Variants in CYP2C8 observed in about 807,000 individuals in gnomAD.
The protein encoded by CYP2C8 is cytochrome P450 family 2 subfamily C member 8.
In CYP2C8, 51 loss-of-function variants were observed where a neutral mutation model predicts 41.3. The ratio of observed to expected loss-of-function variants is 1.24; its 90% CI spans 0.99 to 1.56. The LOEUF is 1.56. CYP2C8 is among the 40% of genes most tolerant of loss of function. The pLI, the probability that CYP2C8 is intolerant of heterozygous loss-of-function variation, is 0.00. For missense variants in CYP2C8, 651 were observed against 579.9 expected, an observed-to-expected ratio of 1.12 and a Z score of -1.26; for synonymous variants, 218 against 205.8, an observed-to-expected ratio of 1.06 and a Z score of -0.51.
chr10:95,066,153 A>AGAGAGAGAGAGTGT (rs1342809282), intron 3 of CYP2C8, among the ~76,000 whole-genome samples: 221 of 88,240 alleles, frequency 2.5e-3, no homozygotes, highest in Middle Eastern at 7.6e-3. Context: ...AGAGAGAGAG[A>AGAGAGAGAGAGTGT]GTGTGTGTGT....
chr10:95,069,079 G>T (rs2033627231), intron 1 of CYP2C8, 156 bp downstream of exon 1: 1 of 884,470 alleles, frequency 1.1e-6, no homozygotes, highest in Non-Finnish European at 1.7e-6. Flanking sequence ...AAAAAAAATA[G>T]GAAGACAAAA....
chr10:95,060,058 A>C (rs2033393740), intron 4 of CYP2C8, among the ~76,000 whole-genome samples: 1 of 152,220 alleles, frequency 6.6e-6, no homozygotes, highest in African/African-American at 2.4e-5. Flanking sequence ...CTTGTAGAAT[A>C]GTTTGAAGTC....
At chr10:95,053,869 A>G (rs1364663944) in intron 5 of CYP2C8, among the ~76,000 whole-genome samples, 1 of 152,276 alleles carries the variant, frequency 6.6e-6, no homozygotes, top group Admixed American at 6.5e-5. Context: ...CCACCATGGC[A>G]CATGTATACC....
chr10:95,056,725 T>C lies in CYP2C8; in HGVS notation c.819+1610A>G, dbSNP rs74419434. Among the ~76,000 whole-genome samples, 825 of 152,314 alleles carry C rather than the reference T, an allele frequency of 5.4e-3. 11 individuals are homozygous for C. Among genetic ancestry groups the C allele is most frequent in the African/African-American group, 0.019 (784 of 41,588 alleles). On this transcript the variant is annotated intron_variant, in intron 5 of 8. Transcript: ENST00000371270. ...ATAAAGATAGTTGATTAATGTTTAC[T>C]ACATGATGGAGTTGGGAATGAGGTG...
At chr10:95,062,754 G>GGC (rs2033466309) in intron 4 of CYP2C8, among the ~76,000 whole-genome samples, 3 of 151,448 alleles carry the variant, frequency 2.0e-5, no homozygotes, top group Non-Finnish European at 4.4e-5. Flanking sequence ...TTTACAATCT[G>GGC]ATGTTTTTGC....
intron 4 of CYP2C8, among the ~76,000 whole-genome samples, chr10:95,062,733 C>A (rs1206393360): frequency 6.6e-6 from 1 of 152,094 alleles, no homozygotes; most frequent in Non-Finnish European, 1.5e-5. Flanking sequence ...TTCTTCCGAG[C>A]CTTGATGGTC....
At chr10:95,058,546 C>T in intron 4 of CYP2C8, 35 bp from the exon 5 acceptor site, 2 of 1,540,174 alleles carry the variant, frequency 1.3e-6, no homozygotes, top group South Asian at 2.3e-5. Context: ...ATAAACATGT[C>T]ATAAGATATA....
intron 4 of CYP2C8, among the ~76,000 whole-genome samples, chr10:95,059,506 T>C (rs532383893): frequency 3.9e-4 from 59 of 152,332 alleles, no homozygotes; most frequent in African/African-American, 1.4e-3. Context: ...TTTTTTCTTG[T>C]AAATTTGTTT....
At position 95,045,921 on chromosome 10, in the gene CYP2C8, T is replaced by C; in HGVS notation, c.850A>G (p.Ile284Val). 1 of 1,614,040 alleles carries C rather than the reference T, an allele frequency of 6.2e-7. No homozygotes were observed. Among genetic ancestry groups the C allele is most frequent in the Non-Finnish European group, 8.5e-7 (1 of 1,179,908 alleles). Residue 284 changes from isoleucine (I) to valine (V), a missense_variant, in exon 6 of 9, where the codon ATT becomes GTT. Transcript: ENST00000371270. The stretch of plus-strand genomic sequence containing the variant: ...GCTACAGTGCCAACCAAGTTTTCAA[T>C]ATTGAATTCTGACTTTTGGTTGTCC... Reference protein sequence around the residue: ...EKDNQKSEFNIENLVGTVADL... With the variant: ...EKDNQKSEFNVENLVGTVADL...
chr10:95,046,747 G>GT (rs2033115989), intron 5 of CYP2C8, among the ~76,000 whole-genome samples: 1 of 73,514 alleles, frequency 1.4e-5, no homozygotes, highest in Admixed American at 1.3e-4. Context: ...ACTAAATATG[G>GT]TAAAAAAAAA....
chr10:95,036,826 C>G lies in CYP2C8; in HGVS notation c.*302G>C. The G allele has an allele frequency of 2.6e-6, 1 of 377,460 alleles. No homozygotes were observed. Among genetic ancestry groups the G allele is most frequent in the South Asian group, 2.7e-5 (1 of 36,796 alleles). The allele number at this position is 377,460 out of a possible 1,614,324, so 23.4% of individuals were successfully genotyped here. ...TAGCACATTCACAAAAGAAATGGATCTAAATTATCATTCATTAATCACTTT... is the reference window on the plus strand; with the variant it reads ...TAGCACATTCACAAAAGAAATGGATGTAAATTATCATTCATTAATCACTTT... On this transcript the variant is annotated 3_prime_UTR_variant, in exon 9 of 9. Coordinates refer to ENST00000371270, the MANE Select transcript of CYP2C8 (RefSeq NM_000770.3).
intron 8 of CYP2C8, 110 bp downstream of exon 8, chr10:95,038,787 T>G: frequency 9.8e-7 from 1 of 1,021,124 alleles, no homozygotes; most frequent in Non-Finnish European, 1.5e-6. Context: ...CTCTTGATCA[T>G]GGACAAATAG....
intron 5 of CYP2C8, among the ~76,000 whole-genome samples, chr10:95,046,748 TAA>T (rs56702266): frequency 0.047 from 6,051 of 128,904 alleles, 406 homozygotes; most frequent in African/African-American, 0.15. Context: ...CTAAATATGG[TAA>T]AAAAAAAAAA....
intron 5 of CYP2C8, 47 bp downstream of exon 5, chr10:95,058,288 C>T (rs1386070344): frequency 6.2e-6 from 10 of 1,609,680 alleles, no homozygotes; most frequent in Non-Finnish European, 7.6e-6. Context: ...CGATGAATCA[C>T]AAAATGGACA....
At chr10:95,038,174 T>G (rs960946816) in intron 8 of CYP2C8, among the ~76,000 whole-genome samples, 3 of 152,144 alleles carry the variant, frequency 2.0e-5, no homozygotes, top group African/African-American at 7.2e-5. Flanking sequence ...ATCCAGGATA[T>G]ATGATCATGA....
intron 5 of CYP2C8, among the ~76,000 whole-genome samples, 168 bp downstream of exon 5, chr10:95,058,167 T>C (rs1394099771): frequency 1.3e-5 from 2 of 152,216 alleles, no homozygotes; most frequent in African/African-American, 2.4e-5. Flanking sequence ...GACAATTTTG[T>C]ATTTTCCATG....
chr10:95,066,119 TGA>T lies in CYP2C8; in HGVS notation c.481+1087_481+1088del, dbSNP rs144502351. Among the ~76,000 whole-genome samples, 738 of 97,724 alleles carry T rather than the reference TGA, an allele frequency of 7.6e-3. 5 individuals carry two copies. Among genetic ancestry groups the T allele is most frequent in the East Asian group, 0.027 (104 of 3,856 alleles). 64.1% of individuals were successfully genotyped at this position (97,724 alleles called of 152,430 possible). On this transcript the variant is annotated intron_variant, in intron 3 of 8. Transcript: ENST00000371270. ...TGAAAGGTAATTTGGGAAGCCTTGG[TGA>T]GAGAGAGAGAGAGAGAGAGAGAGAG...
At chr10:95,041,600 T>TG (rs2032997042) in intron 7 of CYP2C8, among the ~76,000 whole-genome samples, 1 of 150,434 alleles carries the variant, frequency 6.6e-6, no homozygotes, top group Non-Finnish European at 1.5e-5. Context: ...GCTAACAAGG[T>TG]GAAACCCCGT....
chr10:95,065,101 A>G, intron 3 of CYP2C8, 141 bp from the exon 4 acceptor site: 3 of 736,274 alleles, frequency 4.1e-6, no homozygotes, highest in Non-Finnish European at 5.7e-6. Flanking sequence ...ATCAGCATGG[A>G]TGAAATAAAC....
Sources: gnomAD v4.1 joint callset for allele counts (sites outside exome capture counted in the v4.1 genomes callset) on GRCh38, gnomAD v4.1.1 for gene constraint, MANE v1.5 for transcripts, NCBI Gene and HGNC (gene_info 2026-07-23, HGNC 2026-07-21) for gene names.